Variants in RHBDD1 observed in about 807,000 individuals in gnomAD.
RHBDD1 encodes the protein rhomboid domain containing 1, also known as rhomboid-related protein 4.
In RHBDD1, 38 loss-of-function variants were observed where a neutral mutation model predicts 36.3. The ratio of observed to expected loss-of-function variants is 1.05; its 90% CI spans 0.81 to 1.37. The LOEUF is 1.37. Among genes scored for constraint, RHBDD1 ranks in the 40% most tolerant of loss-of-function variants. The pLI is 0.00. For missense variants in RHBDD1, 393 were observed against 377.6 expected, an observed-to-expected ratio of 1.04 and a Z score of -0.34; for synonymous variants, 151 against 136.5, an observed-to-expected ratio of 1.11 and a Z score of -0.74.
At chr2:226,945,698 G>A (rs537928809) in intron 8 of RHBDD1, among the ~76,000 whole-genome samples, 13 of 152,184 alleles carry the variant, frequency 8.5e-5, no homozygotes, top group African/African-American at 2.6e-4. Context: ...GAGTCCAATG[G>A]TATTTCTGGT....
chr2:226,867,258 C>T lies in RHBDD1; in HGVS notation c.506C>T (p.Pro169Leu), dbSNP rs368079801. 4 of 1,613,624 alleles carry T rather than the reference C, an allele frequency of 2.5e-6. No homozygotes were observed. Among genetic ancestry groups the T allele is most frequent in the African/African-American group, 2.7e-5 (2 of 74,890 alleles). ...GGCTTTGTCAACATTTTGGGCTTTC[C>T]TGTACCGAACAGATTTGCTTGTTGG... ...PGGFVNILGF[P>L]VPNRFACWVE... The change falls in exon 5 of 9, where the codon CCT (proline) becomes CTT (leucine). Residue 169 changes from proline (P) to leucine (L), a missense_variant. By Grantham distance (98) the Pro-to-Leu change is moderately conservative (BLOSUM62 -3). Coordinates refer to ENST00000392062, the MANE Select transcript of RHBDD1 (RefSeq NM_001167608.3).
chr2:226,983,333 G>C (rs1042112958), intron 8 of RHBDD1, among the ~76,000 whole-genome samples: 1 of 152,172 alleles, frequency 6.6e-6, no homozygotes, highest in Non-Finnish European at 1.5e-5. Context: ...GAAGCATGCT[G>C]TGTTTTCTGC....
At chr2:226,852,397 G>GT (rs1458886653) in intron 3 of RHBDD1, among the ~76,000 whole-genome samples, 1 of 152,138 alleles carries the variant, frequency 6.6e-6, no homozygotes, top group African/African-American at 2.4e-5. Context: ...TAAAGTGATG[G>GT]TACAAGGATA....
chr2:226,964,508 C>T (rs1485741922), intron 8 of RHBDD1, among the ~76,000 whole-genome samples: 3 of 152,184 alleles, frequency 2.0e-5, no homozygotes. Context: ...TTCCTAATGA[C>T]TTAATTGTAG....
the RHBDD1 span, among the ~76,000 whole-genome samples, chr2:226,824,879 G>A: frequency 6.6e-6 from 1 of 152,288 alleles, no homozygotes; most frequent in East Asian, 1.9e-4. Context: ...ATACAGCTGT[G>A]TTTATGAGGT....
intron 3 of RHBDD1, among the ~76,000 whole-genome samples, chr2:226,851,706 T>G (rs1321770119): frequency 6.6e-6 from 1 of 152,190 alleles, no homozygotes; most frequent in Non-Finnish European, 1.5e-5. Flanking sequence ...ATCTTATACC[T>G]TCACTCTGTG....
intron 8 of RHBDD1, 55 bp downstream of exon 8, chr2:226,914,406 G>A: frequency 6.5e-7 from 1 of 1,542,824 alleles, no homozygotes; most frequent in South Asian, 1.2e-5. Flanking sequence ...TGGTAAGGTA[G>A]TCTGAAAAAG....
chr2:226,964,084 T>C (rs921485021), intron 8 of RHBDD1, among the ~76,000 whole-genome samples: 5 of 152,178 alleles, frequency 3.3e-5, no homozygotes, highest in African/African-American at 7.2e-5. Flanking sequence ...CTGAAAGATA[T>C]TCTTAGTCTC....
intron 3 of RHBDD1, among the ~76,000 whole-genome samples, chr2:226,861,298 G>T (rs182439396): frequency 6.6e-6 from 1 of 152,298 alleles, no homozygotes; most frequent in Admixed American, 6.5e-5. Context: ...GGAAGGAGGA[G>T]TGAAGCCTCA....
At chr2:226,901,594 C>T (rs553316075) in intron 5 of RHBDD1, among the ~76,000 whole-genome samples, 2 of 152,192 alleles carry the variant, frequency 1.3e-5, no homozygotes, top group South Asian at 4.2e-4. Context: ...GAGGTGATAT[C>T]TCATTGTGGT....
At chr2:226,988,970 T>G (rs1038066012) in intron 8 of RHBDD1, among the ~76,000 whole-genome samples, 3 of 152,228 alleles carry the variant, frequency 2.0e-5, no homozygotes, top group Non-Finnish European at 2.9e-5. Context: ...GTTTCTGCTG[T>G]CTTTTAAACA....
the RHBDD1 span, among the ~76,000 whole-genome samples, chr2:226,814,429 A>T: frequency 1.4e-4 from 22 of 152,202 alleles, no homozygotes; most frequent in African/African-American, 4.8e-4. Flanking sequence ...TTGAATACGG[A>T]TCAAAAGTTT....
chr2:226,908,655 T>A, intron 6 of RHBDD1, 167 bp from the exon 7 acceptor site: 1 of 617,008 alleles, frequency 1.6e-6, no homozygotes, highest in Non-Finnish European at 2.9e-6. Flanking sequence ...ACACACTCTT[T>A]TCCAGTTAGG....
the RHBDD1 span, among the ~76,000 whole-genome samples, chr2:226,810,239 C>T: frequency 6.6e-6 from 1 of 151,904 alleles, no homozygotes; most frequent in Admixed American, 6.6e-5. Context: ...ATAAAATAAT[C>T]TAGAGAAAAG....
At chr2:226,800,700 G>A in the RHBDD1 span, among the ~76,000 whole-genome samples, 132 of 152,264 alleles carry the variant, frequency 8.7e-4, 2 homozygotes, top group Admixed American at 8.2e-3. Flanking sequence ...CCTTCAGAGG[G>A]TTCATAAGGC....
chr2:226,835,420 C>T (rs1030050625), upstream of RHBDD1, among the ~76,000 whole-genome samples: 1 of 152,234 alleles, frequency 6.6e-6, no homozygotes, highest in African/African-American at 2.4e-5. Flanking sequence ...CAGTCCCAGA[C>T]CCAAGCTTCT....
intron 8 of RHBDD1, among the ~76,000 whole-genome samples, chr2:226,987,769 C>T (rs1244871485): frequency 6.6e-6 from 1 of 152,190 alleles, no homozygotes; most frequent in Non-Finnish European, 1.5e-5. Flanking sequence ...TTCTCAGTGA[C>T]TTGATATATT....
At chr2:226,871,618 A>T (rs1245412874) in intron 5 of RHBDD1, among the ~76,000 whole-genome samples, 3 of 152,122 alleles carry the variant, frequency 2.0e-5, no homozygotes, top group Non-Finnish European at 4.4e-5. Context: ...AAGATATCAG[A>T]TCTCTCGTTT....
chr2:226,991,426 C>T (rs1239367552), intron 8 of RHBDD1, among the ~76,000 whole-genome samples: 2 of 152,112 alleles, frequency 1.3e-5, no homozygotes, highest in South Asian at 2.1e-4. Flanking sequence ...GTGAACCGCC[C>T]GCCTCAGCCT....
Sources: allele counts gnomAD v4.1 joint callset (sites outside exome capture counted in the v4.1 genomes callset), GRCh38; gene constraint gnomAD v4.1.1; transcripts MANE v1.5; gene names NCBI Gene and HGNC (gene_info 2026-07-23, HGNC 2026-07-21).